The following AUTS2 variants were observed in gnomAD, a reference collection of about 807,000 sequenced individuals.
The protein encoded by AUTS2 is autism susceptibility gene 2 protein.
A neutral mutation model predicts 112.4 loss-of-function variants in AUTS2; 17 were observed. The observed-to-expected ratio is 0.15, with a 90% CI of 0.10 to 0.23. The LOEUF (loss-of-function observed/expected upper bound fraction) is 0.23. Ranked by LOEUF, AUTS2 falls within the 10% of genes least tolerant of loss-of-function variation. The pLI, the probability that AUTS2 is intolerant of heterozygous loss-of-function variation, is 1.00. For synonymous variants in AUTS2, 751 were observed against 702.7 expected (o/e 1.07, Z -1.09); for missense variants, 1,510 against 1,701.6 (o/e 0.89, Z 1.98).
At chr7:70,004,782 G>A (rs935392091) in intron 2 of AUTS2, among the ~76,000 whole-genome samples, 1 of 151,324 alleles carries the variant, frequency 6.6e-6, no homozygotes, top group African/African-American at 2.4e-5. Context: ...GATAACAACA[G>A]CGTGGAGTCT....
chr7:69,923,899 A>G (rs1241798021), intron 2 of AUTS2, among the ~76,000 whole-genome samples: 1 of 152,190 alleles, frequency 6.6e-6, no homozygotes, highest in Non-Finnish European at 1.5e-5. Context: ...GAATAGAAGC[A>G]GCTTATTTCT....
intron 1 of AUTS2, among the ~76,000 whole-genome samples, chr7:69,830,379 A>G (rs1281048597): frequency 6.6e-6 from 1 of 152,216 alleles, no homozygotes; most frequent in African/African-American, 2.4e-5. Context: ...TACATTCTGC[A>G]CATGTATCCT....
intron 2 of AUTS2, among the ~76,000 whole-genome samples, chr7:69,983,971 T>A (rs562489828): frequency 1.3e-5 from 2 of 152,332 alleles, no homozygotes; most frequent in South Asian, 4.1e-4. Flanking sequence ...TAGTTTCATT[T>A]TATCTATTGA....
intron 6 of AUTS2, among the ~76,000 whole-genome samples, chr7:70,757,096 G>A (rs987598923): frequency 6.6e-6 from 1 of 152,278 alleles, no homozygotes; most frequent in South Asian, 2.1e-4. Flanking sequence ...TATCTATTAC[G>A]TGACTGACTT....
At chr7:70,003,324 A>G (rs1309218462) in intron 2 of AUTS2, among the ~76,000 whole-genome samples, 1 of 130,320 alleles carries the variant, frequency 7.7e-6, no homozygotes, top group African/African-American at 2.9e-5. Context: ...TATATATAAC[A>G]TATGAATATA....
intron 2 of AUTS2, among the ~76,000 whole-genome samples, chr7:70,088,107 T>G (rs12698848): frequency 0.048 from 7,332 of 151,948 alleles, 239 homozygotes; most frequent in Non-Finnish European, 0.07. Flanking sequence ...AGAACTAACT[T>G]TTGGTTTCAT....
At chr7:70,117,823 G>A (rs1010664011) in intron 2 of AUTS2, among the ~76,000 whole-genome samples, 1 of 151,094 alleles carries the variant, frequency 6.6e-6, no homozygotes, top group Non-Finnish European at 1.5e-5. Flanking sequence ...ATCTCAGCTC[G>A]CTGCAACCTC....
chr7:70,747,547 C>T (rs931870898), intron 6 of AUTS2, among the ~76,000 whole-genome samples: 2 of 152,186 alleles, frequency 1.3e-5, no homozygotes, highest in African/African-American at 4.8e-5. Context: ...CGGCCTCCAC[C>T]TCCCAGGTAC....
At chr7:70,282,157 T>C (rs1042522277) in intron 4 of AUTS2, among the ~76,000 whole-genome samples, 2 of 152,188 alleles carry the variant, frequency 1.3e-5, no homozygotes, top group East Asian at 1.9e-4. Context: ...TTTCAGAACA[T>C]GTTTCCTATT....
intron 1 of AUTS2, among the ~76,000 whole-genome samples, chr7:69,614,368 T>TCTTTCTTTCTTTCTTTCTTTC (rs1474509971): frequency 5.1e-4 from 10 of 19,530 alleles, no homozygotes; most frequent in South Asian, 1.7e-3. Context: ...TTCTTTCTTT[T>TCTTTCTTTCTTTCTTTCTTTC]TTTAAGAGAT....
At chr7:69,857,270 A>G (rs2129531080) in intron 1 of AUTS2, among the ~76,000 whole-genome samples, 1 of 152,270 alleles carries the variant, frequency 6.6e-6, no homozygotes, top group Non-Finnish European at 1.5e-5. Context: ...AGGCTCACGC[A>G]GTCCTGGAAA....
intron 2 of AUTS2, among the ~76,000 whole-genome samples, chr7:69,907,469 T>C (rs998814437): frequency 4.6e-5 from 7 of 152,242 alleles, no homozygotes; most frequent in African/African-American, 1.7e-4. Context: ...TAAAATGTTA[T>C]AGTATTTTTA....
chr7:70,760,159 C>T (rs1377426821), intron 6 of AUTS2, among the ~76,000 whole-genome samples: 2 of 152,108 alleles, frequency 1.3e-5, no homozygotes, highest in Admixed American at 1.3e-4. Context: ...GCACCCGCCA[C>T]CACGCCCGGC....
In AUTS2 at chr7:70,765,555, C is replaced by T. The variant is rs186641777; in HGVS notation, c.1468+550C>T. 6.6e-5 allele frequency among the ~76,000 whole-genome samples: 10 copies of T among 152,238 alleles called. No homozygotes were observed. In the East Asian group the frequency reaches 1.9e-3, roughly 29 times the overall value. On this transcript the variant is annotated intron_variant, in intron 8 of 18. Transcript: ENST00000342771. ...CCTGTGTTAATCAGGTCAAGCGTCC[C>T]AGTTTTGGTCCAGTGTAGCCATGTT...
intron 1 of AUTS2, among the ~76,000 whole-genome samples, chr7:69,718,825 C>A (rs951685453): frequency 1.3e-5 from 2 of 152,180 alleles, no homozygotes; most frequent in Non-Finnish European, 1.5e-5. Context: ...TTGTATAGTG[C>A]CCTCTATTAA....
chr7:69,723,958 A>G (rs1266958085), intron 1 of AUTS2, among the ~76,000 whole-genome samples: 1 of 152,200 alleles, frequency 6.6e-6, no homozygotes, highest in Non-Finnish European at 1.5e-5. Context: ...CATCTGCAGC[A>G]CAGTGGAAGG....
At chr7:70,679,771 G>A (rs1808110373) in intron 5 of AUTS2, among the ~76,000 whole-genome samples, 1 of 152,210 alleles carries the variant, frequency 6.6e-6, no homozygotes, top group Non-Finnish European at 1.5e-5. Flanking sequence ...TTAAGGCAAA[G>A]CCCAACTTAG....
intron 5 of AUTS2, among the ~76,000 whole-genome samples, chr7:70,469,663 C>T (rs1473638613): frequency 6.6e-6 from 1 of 152,126 alleles, no homozygotes; most frequent in Non-Finnish European, 1.5e-5. Flanking sequence ...TTAATTGAGT[C>T]AGAGTCTTGC....
chr7:70,711,559 G>A (rs375405810), intron 6 of AUTS2, among the ~76,000 whole-genome samples: 8 of 152,306 alleles, frequency 5.3e-5, no homozygotes, highest in Middle Eastern at 3.4e-3. Context: ...CATCAGTGTC[G>A]GAGCACAGAA....
Sources: allele counts gnomAD v4.1 joint callset (sites outside exome capture counted in the v4.1 genomes callset), GRCh38; gene constraint gnomAD v4.1.1; transcripts MANE v1.5; gene names NCBI Gene and HGNC (gene_info 2026-07-23, HGNC 2026-07-21).